PLCH1: variants seen among roughly 807,000 people sequenced by gnomAD.
PLCH1 encodes phospholipase C eta 1, also known as 1-phosphatidylinositol 4,5-bisphosphate phosphodiesterase eta-1.
PLCH1 carries 60 observed loss-of-function variants against 126.7 expected under a neutral mutation model. The observed-to-expected ratio is 0.47, with a 90% CI of 0.38 to 0.59. The LOEUF is 0.59. Ranked by LOEUF, PLCH1 falls within the 20% of genes least tolerant of loss-of-function variation. The probability of loss-of-function intolerance (pLI) is 0.00; values close to 1 mark genes in which losing one functional copy is unlikely to be tolerated. For synonymous variants in PLCH1, 719 were observed against 734.9 expected, an observed-to-expected ratio of 0.98 and a Z score of 0.35; for missense variants, 1,723 against 2,040.0, an observed-to-expected ratio of 0.84 and a Z score of 2.99.
intron 1 of PLCH1, among the ~76,000 whole-genome samples, chr3:155,721,479 CAG>C (rs1324415004): frequency 1.3e-5 from 2 of 151,960 alleles, no homozygotes; most frequent in African/African-American, 4.8e-5. Flanking sequence ...GCTATTGTAA[CAG>C]GGGTTGAGTT....
intron 1 of PLCH1, among the ~76,000 whole-genome samples, chr3:155,711,490 T>A (rs1639515544): frequency 6.6e-6 from 1 of 152,074 alleles, no homozygotes. Flanking sequence ...TCAATACTTT[T>A]AAAACTCGAC....
intron 6 of PLCH1, among the ~76,000 whole-genome samples, chr3:155,581,343 C>T (rs992891478): frequency 6.6e-6 from 1 of 152,196 alleles, no homozygotes. Flanking sequence ...AAAACCTGTA[C>T]ATGAATGTTC....
chr3:155,727,640 G>A (rs759752103), intron 1 of PLCH1, among the ~76,000 whole-genome samples: 9 of 151,910 alleles, frequency 5.9e-5, no homozygotes, highest in East Asian at 3.9e-4. Context: ...CGCCCGTCTC[G>A]GCCTCCCAAA....
chr3:155,470,003 C>G (rs184167541), intron 21 of PLCH1, among the ~76,000 whole-genome samples: 1 of 152,182 alleles, frequency 6.6e-6, no homozygotes, highest in Non-Finnish European at 1.5e-5. Flanking sequence ...ACTGGAAACT[C>G]TAAAACGCAG....
intron 2 of PLCH1, among the ~76,000 whole-genome samples, chr3:155,686,985 C>T (rs76216114): frequency 0.019 from 2,836 of 152,226 alleles, 30 homozygotes; most frequent in Admixed American, 0.028. Flanking sequence ...TTAAAATAAT[C>T]TGTACACATA....
rs1043484662 is a variant in PLCH1 at position 155,590,793 on chromosome 3, A to C, written c.470+3148T>G. The stretch of plus-strand genomic sequence containing the variant: ...ACAAAATTATCTAAAACCCTATTAA[A>C]TTCTGACAAATATGTATGAAAATGA... On this transcript the variant is annotated intron_variant, in intron 4 of 22. Coordinates refer to ENST00000460012, the MANE Select transcript of PLCH1 (RefSeq NM_014996.4). Among the ~76,000 whole-genome samples the C allele has an allele frequency of 4.6e-5, 7 of 152,254 alleles. No individual in the cohort carries two copies. The East Asian group carries it at 1.4e-3, about 29-fold the overall frequency.
At chr3:155,617,288 C>T (rs1191632259) in intron 2 of PLCH1, among the ~76,000 whole-genome samples, 2 of 151,972 alleles carry the variant, frequency 1.3e-5, no homozygotes, top group African/African-American at 4.8e-5. Context: ...GAATGCAGGC[C>T]TCTGATAACT....
At chr3:155,533,401 C>T (rs1367569346) in intron 10 of PLCH1, among the ~76,000 whole-genome samples, 2 of 152,074 alleles carry the variant, frequency 1.3e-5, no homozygotes, top group African/African-American at 4.8e-5. Context: ...ACAAAATTAG[C>T]CAGGCATGGT....
At chr3:155,600,561 C>T (rs558485489) in intron 2 of PLCH1, among the ~76,000 whole-genome samples, 1 of 151,382 alleles carries the variant, frequency 6.6e-6, no homozygotes, top group South Asian at 2.1e-4. Flanking sequence ...TTCACCATCC[C>T]TTTAATTCTA....
chr3:155,699,537 T>C (rs537057651), intron 2 of PLCH1, among the ~76,000 whole-genome samples: 48 of 152,260 alleles, frequency 3.2e-4, no homozygotes, highest in African/African-American at 1.1e-3. Context: ...TACTCTAACA[T>C]AAAATCTAGT....
intron 2 of PLCH1, among the ~76,000 whole-genome samples, chr3:155,618,917 C>A (rs1276519538): frequency 2.6e-5 from 4 of 152,160 alleles, no homozygotes; most frequent in African/African-American, 9.7e-5. Context: ...TTGATTTGCC[C>A]AACTCAGCCT....
chr3:155,643,201 G>C (rs1226096990), intron 2 of PLCH1, among the ~76,000 whole-genome samples: 1 of 152,022 alleles, frequency 6.6e-6, no homozygotes. Flanking sequence ...CACCCACCTC[G>C]GCCTTCCAAA....
At chr3:155,662,866 G>C (rs1742329086) in intron 2 of PLCH1, among the ~76,000 whole-genome samples, 1 of 152,276 alleles carries the variant, frequency 6.6e-6, no homozygotes, top group East Asian at 1.9e-4. Context: ...GTTTCGCCAT[G>C]TTGGCCAGGC....
In PLCH1 at chr3:155,485,432, G is replaced by A. The variant is rs1192624001; in HGVS notation, c.2898C>T (p.Asp966=). The A allele has an allele frequency of 6.2e-7, 1 of 1,612,736 alleles. No homozygotes were observed. The highest frequency in any genetic ancestry group is 2.2e-5 in the East Asian group (1 of 44,816). The change falls in exon 22 of 23, where the codon GAC becomes GAT. Residue 966 remains aspartate, a synonymous_variant. Coordinates refer to ENST00000460012, the MANE Select transcript of PLCH1 (RefSeq NM_014996.4). ...GCGACAAAGCTCCCAGAAGGTTTCT[G>A]TCAACAGGCATAGAGACAGGGCGTG... ...LQARPVSMPV[D]RNLLGALSLP...
intron 10 of PLCH1, among the ~76,000 whole-genome samples, chr3:155,531,145 T>C (rs1380697566): frequency 6.6e-6 from 1 of 152,166 alleles, no homozygotes; most frequent in Non-Finnish European, 1.5e-5. Context: ...TTTAGCATAA[T>C]TCTTAAGAGC....
chr3:155,603,807 TA>T (rs1365937410), intron 2 of PLCH1, among the ~76,000 whole-genome samples: 3 of 152,106 alleles, frequency 2.0e-5, no homozygotes, highest in Non-Finnish European at 4.4e-5. Flanking sequence ...ATATAAAACA[TA>T]ACTGCTTGGC....
At chr3:155,506,345 C>CTTTT (rs57746252) in intron 12 of PLCH1, among the ~76,000 whole-genome samples, 5 of 130,676 alleles carry the variant, frequency 3.8e-5, no homozygotes, top group African/African-American at 8.8e-5. Context: ...TTCTCACTCT[C>CTTTT]TTTTTTTTTT....
At chr3:155,724,535 G>T (rs1390940170) in intron 1 of PLCH1, among the ~76,000 whole-genome samples, 1 of 152,038 alleles carries the variant, frequency 6.6e-6, no homozygotes, top group Non-Finnish European at 1.5e-5. Flanking sequence ...TTTAAAGTTT[G>T]TTTTATCTGA....
At chr3:155,598,609 T>C (rs1177282002) in intron 2 of PLCH1, among the ~76,000 whole-genome samples, 1 of 152,238 alleles carries the variant, frequency 6.6e-6, no homozygotes, top group Non-Finnish European at 1.5e-5. Context: ...TACAGGATAC[T>C]TATTAATGGC....
Sources: gnomAD v4.1 joint callset for allele counts (sites outside exome capture counted in the v4.1 genomes callset) on GRCh38, gnomAD v4.1.1 for gene constraint, MANE v1.5 for transcripts, NCBI Gene and HGNC (gene_info 2026-07-23, HGNC 2026-07-21) for gene names.